Variants in CNTROB observed in about 807,000 individuals in gnomAD.
CNTROB encodes the protein centrobin.
A neutral mutation model predicts 115.7 loss-of-function variants in CNTROB; 82 were observed. That is an observed-to-expected ratio of 0.71 (90% CI 0.59 to 0.85). The LOEUF (loss-of-function observed/expected upper bound fraction) is 0.85, where lower values mean the gene tolerates loss of function less well. CNTROB is among the 40% of genes least tolerant of loss of function. The pLI, the probability that CNTROB is intolerant of heterozygous loss-of-function variation, is 0.00. For synonymous variants in CNTROB, 439 were observed against 456.4 expected (o/e 0.96, Z 0.49); for missense variants, 1,014 against 1,144.4 (o/e 0.89, Z 1.64).
chr17:7,941,773 G>A (rs749729339), intron 9 of CNTROB, among the ~76,000 whole-genome samples: 20 of 150,168 alleles, frequency 1.3e-4, no homozygotes, highest in Admixed American at 1.0e-3. Context: ...CAACCTGGGC[G>A]CAATATGGCA....
chr17:7,949,358 C>G (rs374533671), intron 18 of CNTROB, 27 bp from the exon 19 acceptor site: 7 of 1,612,674 alleles, frequency 4.3e-6, no homozygotes, highest in Non-Finnish European at 5.9e-6. Flanking sequence ...ACGCTGATTT[C>G]TTCCTCTCTC....
chr17:7,947,265 CAT>C (rs1208117511), intron 13 of CNTROB, among the ~76,000 whole-genome samples: 3 of 151,852 alleles, frequency 2.0e-5, no homozygotes, highest in African/African-American at 4.8e-5. Context: ...GAGGTCAGAA[CAT>C]GTGTGTTACT....
rs7209540 is a variant in CNTROB at position 7,943,795 on chromosome 17, A to G, written c.1445+271A>G. Among the ~76,000 whole-genome samples the G allele has an allele frequency of 0.62, 94,312 of 152,054 alleles. 30,942 individuals carry two copies. The highest frequency in any genetic ancestry group is 0.95 in the East Asian group (4,941 of 5,184). On this transcript the variant is annotated intron_variant, in intron 10 of 18. Coordinates refer to ENST00000563694, the MANE Select transcript of CNTROB (RefSeq NM_053051.5). The surrounding 1 kb of genome is among the most constrained non-coding windows in gnomAD (Gnocchi z 4.7). Reference sequence around the variant, plus strand: ...GAATGATAGATGGTCCAGCTCCCTCACTGGGACAGTGCTGAGGTATGACCT... The same window carrying G: ...GAATGATAGATGGTCCAGCTCCCTCGCTGGGACAGTGCTGAGGTATGACCT...
At chr17:7,935,243 C>G in intron 4 of CNTROB, 98 bp downstream of exon 4, 2 of 1,570,244 alleles carry the variant, frequency 1.3e-6, no homozygotes, top group Non-Finnish European at 1.7e-6. Context: ...GTGGCTCACG[C>G]CTGTAATCAC....
Position 7,939,762 on chromosome 17 carries a change from G to C in CNTROB, c.1164+13G>C, listed in dbSNP as rs1319954597. 6.2e-7 allele frequency: 1 copy of C among 1,611,870 alleles called. No homozygotes were observed. Among genetic ancestry groups the C allele is most frequent in the Non-Finnish European group, 8.5e-7 (1 of 1,178,174 alleles). On this transcript the variant is annotated intron_variant, in intron 8 of 18. Transcript: ENST00000563694. The surrounding 1 kb of genome is among the most constrained non-coding windows in gnomAD (Gnocchi z 4.4). ...GGAAAGGGAGAAGGTAAAAGTGGCA[G>C]TTGGAAGAGCTGAGGAACTAGGGAG...
In CNTROB at chr17:7,935,020, A is replaced by G. The variant is rs1228356733; in HGVS notation, c.469A>G (p.Ser157Gly). ...TRPLQDLSPS[S>G]SAQALEELFP... ...GCCCCTGCAAGACTTGTCTCCATCT[A>G]GCTCAGCCCAAGCCCTGGAGGAGCT... The change falls in exon 4 of 19, where the codon AGC (serine) becomes GGC (glycine). Residue 157 changes from serine (S) to glycine (G), a missense_variant. Transcript: ENST00000563694. The G allele has an allele frequency of 6.2e-7, 1 of 1,612,138 alleles. No homozygotes were observed. The highest frequency in any genetic ancestry group is 8.5e-7 in the Non-Finnish European group (1 of 1,178,810).
At chr17:7,946,718 T>G (rs1483483715) in intron 13 of CNTROB, among the ~76,000 whole-genome samples, 2 of 151,914 alleles carry the variant, frequency 1.3e-5, no homozygotes, top group African/African-American at 4.8e-5. Flanking sequence ...AAATAAAAAG[T>G]TAGCAGGATG....
At chr17:7,935,497 G>A (rs1197696473) in intron 4 of CNTROB, among the ~76,000 whole-genome samples, 41 of 149,194 alleles carry the variant, frequency 2.7e-4, no homozygotes, top group Non-Finnish European at 5.2e-4. Context: ...GCGAGACTCC[G>A]TCTCAAAAAA....
In CNTROB at chr17:7,948,997, A is replaced by G; in HGVS notation, c.2514-88A>G. On this transcript the variant is annotated intron_variant, in intron 17 of 18. Coordinates refer to ENST00000563694, the MANE Select transcript of CNTROB (RefSeq NM_053051.5). The surrounding 1 kb of genome is among the most constrained non-coding windows in gnomAD (Gnocchi z 4.4). ...TCGAGTTTGATCTTATTCTTAAGAG[A>G]TAGAATTGGGGAGTAGTTCTTCCAT... 6.2e-7 allele frequency: 1 copy of G among 1,607,694 alleles called. No homozygotes were observed. Among genetic ancestry groups the G allele is most frequent in the Non-Finnish European group, 8.5e-7 (1 of 1,175,956 alleles).
chr17:7,948,385 A>G lies in CNTROB; in HGVS notation c.2380+58A>G, dbSNP rs1974811050. The G allele has an allele frequency of 1.9e-6, 3 of 1,609,496 alleles. No homozygotes were observed. The highest frequency in any genetic ancestry group is 1.3e-5 in the African/African-American group (1 of 74,740). ...GAGGGACAGTCCTGAGTGTGGATCC[A>G]GTACAGGCACTTACAGTCCTTCTGA... On this transcript the variant is annotated intron_variant, in intron 16 of 18. Coordinates refer to ENST00000563694, the MANE Select transcript of CNTROB (RefSeq NM_053051.5). The surrounding 1 kb of genome is among the most constrained non-coding windows in gnomAD (Gnocchi z 4.4).
Position 7,939,476 on chromosome 17 carries a change from G to T in CNTROB, c.928-37G>T. On this transcript the variant is annotated intron_variant, in intron 7 of 18. Coordinates refer to ENST00000563694, the MANE Select transcript of CNTROB (RefSeq NM_053051.5). This position sits in a 1 kb window ranked among gnomAD's most constrained non-coding sequence, Gnocchi z 4.4. ...AGGGCAGATCGCTGGTCTCTGAAGA[G>T]CCTACTAAGGAGCTTGGTTTTCTTC... is the stretch of plus-strand genomic sequence containing the variant. 1 of 1,567,714 alleles carries T rather than the reference G, an allele frequency of 6.4e-7. No homozygotes were observed. The highest frequency in any genetic ancestry group is 1.7e-5 in the Admixed American group (1 of 59,700).
intron 7 of CNTROB, among the ~76,000 whole-genome samples, chr17:7,937,743 C>G (rs532166201): frequency 7.9e-5 from 12 of 152,128 alleles, no homozygotes; most frequent in African/African-American, 2.9e-4. Flanking sequence ...GCAGAGGTTG[C>G]AGTGAGCTGA....
At chr17:7,942,620 AGAG>A (rs1974023252) in intron 9 of CNTROB, among the ~76,000 whole-genome samples, 1 of 134,284 alleles carries the variant, frequency 7.4e-6, no homozygotes. Context: ...AAAAAAAAAA[AGAG>A]GTTGAGTTCT....
rs1462078738 is a variant in CNTROB at position 7,939,759 on chromosome 17, G to C, written c.1164+10G>C. ...GCTGGAAAGGGAGAAGGTAAAAGTG[G>C]CAGTTGGAAGAGCTGAGGAACTAGG... On this transcript the variant is annotated intron_variant, in intron 8 of 18. Transcript: ENST00000563694. This position sits in a 1 kb window ranked among gnomAD's most constrained non-coding sequence, Gnocchi z 4.4. The C allele has an allele frequency of 2.5e-6, 4 of 1,612,302 alleles. No homozygotes were observed. The highest frequency in any genetic ancestry group is 3.4e-6 in the Non-Finnish European group (4 of 1,178,538).
chr17:7,933,217 GCAGGCGGAGGC>G lies in CNTROB; in HGVS notation c.141_151del (p.Gln47HisfsTer16). 1 of 1,614,218 alleles carries G rather than the reference GCAGGCGGAGGC, an allele frequency of 6.2e-7. No homozygotes were observed. Among genetic ancestry groups the G allele is most frequent in the Non-Finnish European group, 8.5e-7 (1 of 1,180,040 alleles). Reference sequence around the variant, plus strand: ...TCTATGCTTCTTTGCGCCTCAGCCGGCAGGCGGAGGCCACGGCCCGAGCCCAGCTGTATTTA... The same window carrying G: ...TCTATGCTTCTTTGCGCCTCAGCCGGCACGGCCCGAGCCCAGCTGTATTTA... On this transcript the variant is annotated frameshift_variant, in exon 1 of 19. Transcript: ENST00000563694. LOFTEE classifies it high-confidence loss of function.
Position 7,943,693 on chromosome 17 carries a change from C to T in CNTROB, c.1445+169C>T, listed in dbSNP as rs1232611399. On this transcript the variant is annotated intron_variant, in intron 10 of 18. Transcript: ENST00000563694. This position sits in a 1 kb window ranked among gnomAD's most constrained non-coding sequence, Gnocchi z 4.7. ...CTCTCTCGGGAGGGCTGCCTTCACG[C>T]GTTCATGGAGAGCCAGAAGTGCCTG... 9 of 689,064 alleles carry T rather than the reference C, an allele frequency of 1.3e-5. No individual in the cohort carries two copies. The highest frequency in any genetic ancestry group is 1.1e-4 in the East Asian group (4 of 35,526). The allele number at this position is 689,064 out of a possible 1,614,324, so 42.7% of individuals were successfully genotyped here.
At chr17:7,947,428 C>G in intron 13 of CNTROB, 143 bp from the exon 14 acceptor site, 3 of 789,938 alleles carry the variant, frequency 3.8e-6, no homozygotes, top group Non-Finnish European at 5.7e-6. Flanking sequence ...CTTTAAACCT[C>G]CATCTTCATC....
rs200520635 is a variant in CNTROB at position 7,939,722 on chromosome 17, G to C, written c.1137G>C (p.Glu379Asp). ...AACACTACCAGGCGCTGCAGGAGGA[G>C]AGCCAGGCTCAGCTGGAAAGGGAGA... Reference protein sequence around the residue: ...LKEHYQALQEESQAQLEREKE... With the variant: ...LKEHYQALQEDSQAQLEREKE... Residue 379 changes from glutamate (E) to aspartate (D), a missense_variant, in exon 8 of 19, where the codon GAG becomes GAC. By Grantham distance (45) the Glu-to-Asp change is conservative (BLOSUM62 2). Coordinates refer to ENST00000563694, the MANE Select transcript of CNTROB (RefSeq NM_053051.5). The surrounding 1 kb of genome is among the most constrained non-coding windows in gnomAD (Gnocchi z 4.4). 33 of 1,614,132 alleles carry C rather than the reference G, an allele frequency of 2.0e-5. No individual in the cohort carries two copies. Among genetic ancestry groups the C allele is most frequent in the Non-Finnish European group, 2.8e-5 (33 of 1,180,036 alleles).
rs1972615696 is a variant in CNTROB, at chr17:7,932,374, G to A, written c.-706G>A. On this transcript the variant is annotated 5_prime_UTR_variant, in exon 1 of 19. Coordinates refer to ENST00000563694, the MANE Select transcript of CNTROB (RefSeq NM_053051.5). ...GTGGTCGTCGGGGCAGAGGATCTCG[G>A]GCTAGGCTTGAGGGCGGCGTGCTTC... 2 of 163,808 alleles carry A rather than the reference G, an allele frequency of 1.2e-5. No homozygotes were observed. The highest frequency in any genetic ancestry group is 2.8e-4 in the South Asian group (2 of 7,136). The allele number at this position is 163,808 out of a possible 1,614,324, so 10.1% of individuals were successfully genotyped here. A position where few individuals can be genotyped will look rare whatever the true frequency, so the allele number is the denominator to read the frequency against.
Sources: allele counts gnomAD v4.1 joint callset (sites outside exome capture counted in the v4.1 genomes callset), GRCh38; gene constraint gnomAD v4.1.1; non-coding constraint Gnocchi (gnomAD v3.1); transcripts MANE v1.5; gene names NCBI Gene and HGNC (gene_info 2026-07-23, HGNC 2026-07-21).